The following IFT80 variants were observed in gnomAD, a reference collection of about 807,000 sequenced individuals.
The protein encoded by IFT80 is intraflagellar transport 80, also known as intraflagellar transport protein 80 homolog.
In IFT80, 79 loss-of-function variants were observed where a neutral mutation model predicts 107.9. That is an observed-to-expected ratio of 0.73 (90% CI 0.61 to 0.88). The LOEUF (loss-of-function observed/expected upper bound fraction) is 0.88, where lower values mean the gene tolerates loss of function less well. IFT80 is among the 40% of genes least tolerant of loss of function. The probability of loss-of-function intolerance (pLI) is 0.00; values close to 1 mark genes in which losing one functional copy is unlikely to be tolerated. For synonymous variants in IFT80, 299 were observed against 300.9 expected, an observed-to-expected ratio of 0.99 and a Z score of 0.07; for missense variants, 797 against 914.2, an observed-to-expected ratio of 0.87 and a Z score of 1.65.
At chr3:160,377,752 T>C in intron 3 of IFT80, 1 of 373,260 alleles carries the variant, frequency 2.7e-6, no homozygotes, top group Non-Finnish European at 4.8e-6. Flanking sequence ...GCTTACGTGG[T>C]TCAAAATAAT....
At chr3:160,375,622 A>G (rs536564572) in intron 5 of IFT80, among the ~76,000 whole-genome samples, 190 bp downstream of exon 5, 272 of 152,270 alleles carry the variant, frequency 1.8e-3, no homozygotes, top group African/African-American at 6.4e-3. Flanking sequence ...GCTTGAAATA[A>G]TAGTGTTACC....
At chr3:160,300,752 T>C in intron 12 of IFT80, 131 bp downstream of exon 12, 3 of 712,098 alleles carry the variant, frequency 4.2e-6, no homozygotes, top group Non-Finnish European at 6.7e-6. Context: ...GAAAACAAAA[T>C]AGAAAGCTCA....
chr3:160,305,202 C>A (rs558219999), intron 10 of IFT80, among the ~76,000 whole-genome samples: 10 of 152,242 alleles, frequency 6.6e-5, no homozygotes, highest in African/African-American at 2.2e-4. Flanking sequence ...AAAGCCAATT[C>A]TCTACCTCAG....
At chr3:160,290,605 G>A (rs1559921838) in intron 12 of IFT80, among the ~76,000 whole-genome samples, 1 of 152,060 alleles carries the variant, frequency 6.6e-6, no homozygotes. Context: ...TTTAGATGGA[G>A]TTTTTGCTCT....
intron 12 of IFT80, among the ~76,000 whole-genome samples, chr3:160,288,384 C>G (rs929500693): frequency 2.0e-5 from 3 of 151,984 alleles, no homozygotes; most frequent in African/African-American, 2.4e-5. Context: ...ACTATAAAAA[C>G]CCTGGAAGAC....
chr3:160,392,366 T>C (rs1713449772), intron 1 of IFT80, among the ~76,000 whole-genome samples: 1 of 152,204 alleles, frequency 6.6e-6, no homozygotes, highest in African/African-American at 2.4e-5. Flanking sequence ...ATATTTCTGG[T>C]TCATACCTCT....
At chr3:160,312,188 G>A (rs1477605560) in intron 9 of IFT80, among the ~76,000 whole-genome samples, 1 of 152,056 alleles carries the variant, frequency 6.6e-6, no homozygotes, top group Admixed American at 6.6e-5. Context: ...GCACAACTCT[G>A]GGTCTATGTG....
At chr3:160,379,045 A>G (rs1033185122) in intron 3 of IFT80, among the ~76,000 whole-genome samples, 1 of 152,208 alleles carries the variant, frequency 6.6e-6, no homozygotes, top group African/African-American at 2.4e-5. Context: ...AACTTTACAG[A>G]GATTAACTTA....
At chr3:160,350,411 GTC>G (rs1385482420) in intron 8 of IFT80, among the ~76,000 whole-genome samples, 20 of 98,752 alleles carry the variant, frequency 2.0e-4, no homozygotes, top group African/African-American at 7.5e-4. Context: ...GCAAGACTCT[GTC>G]TCAAAAAAAA....
Position 160,285,889 on chromosome 3 carries a change from T to C in IFT80, c.1316-21A>G, listed in dbSNP as rs2275151. On this transcript the variant is annotated intron_variant, in intron 12 of 19. Transcript: ENST00000326448. The stretch of plus-strand genomic sequence containing the variant: ...GATTACTTGAAAAAAAGTAGAACAT[T>C]AATTAATGTGTTATATTAGAATTTT... The C allele has an allele frequency of 0.24, 376,081 of 1,558,454 alleles. 47,749 individuals carry two copies. The highest frequency in any genetic ancestry group is 0.26 in the Admixed American group (15,672 of 59,450).
chr3:160,390,788 A>C (rs577225959), intron 1 of IFT80, among the ~76,000 whole-genome samples: 2 of 152,328 alleles, frequency 1.3e-5, no homozygotes, highest in East Asian at 1.9e-4. Flanking sequence ...TTATAATATC[A>C]TCAACCTACT....
chr3:160,333,364 CAAATT>C (rs908595568), intron 8 of IFT80, among the ~76,000 whole-genome samples: 1 of 152,118 alleles, frequency 6.6e-6, no homozygotes, highest in Non-Finnish European at 1.5e-5. Flanking sequence ...TCTTCAATAA[CAAATT>C]AACTTCAGCT....
In IFT80 at chr3:160,319,773, C is replaced by A; in HGVS notation, c.944G>T (p.Arg315Ile). ...WKNFQVTLTK[R>I]RAMQVRNVLN... ...ACATAATAATACCTGCATGGCTCTT[C>A]TTTTCGTTAATGTTACTTGAAAATT... is the stretch of plus-strand genomic sequence containing the variant. Residue 315 changes from arginine (R) to isoleucine (I), a missense_variant, in exon 9 of 20, where the codon AGA becomes ATA. Physicochemically the swap from Arg to Ile is moderately conservative, Grantham distance 97. Transcript: ENST00000326448. 1 of 1,612,776 alleles carries A rather than the reference C, an allele frequency of 6.2e-7. No individual in the cohort carries two copies. Among genetic ancestry groups the A allele is most frequent in the South Asian group, 1.1e-5 (1 of 91,056 alleles).
chr3:160,332,437 G>T (rs1719157285), intron 8 of IFT80, among the ~76,000 whole-genome samples: 1 of 152,168 alleles, frequency 6.6e-6, no homozygotes, highest in Non-Finnish European at 1.5e-5. Flanking sequence ...ACCCCTAGTG[G>T]GGTTGTTTGA....
intron 9 of IFT80, among the ~76,000 whole-genome samples, chr3:160,310,042 GA>G (rs559349500): frequency 6.6e-6 from 1 of 150,478 alleles, no homozygotes; most frequent in South Asian, 2.1e-4. Context: ...AAGTAAAAAC[GA>G]AAAAAAAATT....
chr3:160,308,365 A>G (rs1214298023), intron 9 of IFT80, among the ~76,000 whole-genome samples: 1 of 152,156 alleles, frequency 6.6e-6, no homozygotes, highest in Non-Finnish European at 1.5e-5. Context: ...CAACTAACAG[A>G]GAGATTTGCT....
intron 8 of IFT80, among the ~76,000 whole-genome samples, chr3:160,349,880 T>C (rs1046390728): frequency 1.3e-5 from 2 of 152,140 alleles, no homozygotes; most frequent in African/African-American, 2.4e-5. Flanking sequence ...CATATCTACT[T>C]ACTTGGTAAG....
intron 8 of IFT80, among the ~76,000 whole-genome samples, chr3:160,341,229 C>T (rs1431945855): frequency 1.3e-5 from 2 of 151,874 alleles, no homozygotes; most frequent in African/African-American, 4.8e-5. Context: ...CCAGGCTGGT[C>T]TTGAACTCTT....
At chr3:160,340,767 A>G (rs957332913) in intron 8 of IFT80, among the ~76,000 whole-genome samples, 6 of 152,218 alleles carry the variant, frequency 3.9e-5, no homozygotes, top group African/African-American at 1.4e-4. Flanking sequence ...AATCCAGGAT[A>G]GTTTTAGCAT....
Sources: allele counts gnomAD v4.1 joint callset (sites outside exome capture counted in the v4.1 genomes callset), GRCh38; gene constraint gnomAD v4.1.1; transcripts MANE v1.5; gene names NCBI Gene and HGNC (gene_info 2026-07-23, HGNC 2026-07-21).